The following CACNA2D3 variants were observed in gnomAD, a reference collection of about 807,000 sequenced individuals.
CACNA2D3 encodes the protein calcium voltage-gated channel auxiliary subunit alpha2delta 3, also known as voltage-dependent calcium channel subunit alpha-2/delta-3.
In CACNA2D3, 60 loss-of-function variants were observed where a neutral mutation model predicts 160.6. That is an observed-to-expected ratio of 0.37 (90% confidence interval 0.30 to 0.46). The LOEUF (loss-of-function observed/expected upper bound fraction) is 0.46, where lower values mean the gene tolerates loss of function less well. CACNA2D3 is among the 20% of genes least tolerant of loss of function. The pLI, the probability that CACNA2D3 is intolerant of heterozygous loss-of-function variation, is 1.00. For synonymous variants in CACNA2D3, 558 were observed against 492.9 expected (o/e 1.13, Z -1.75); for missense variants, 1,205 against 1,365.0 (o/e 0.88, Z 1.85).
chr3:54,973,437 C>T (rs1425328238), intron 29 of CACNA2D3, among the ~76,000 whole-genome samples: 8 of 152,236 alleles, frequency 5.3e-5, no homozygotes, highest in Admixed American at 2.0e-4. Flanking sequence ...AGAGGTGTGA[C>T]GGCAGCGAGA....
intron 27 of CACNA2D3, among the ~76,000 whole-genome samples, chr3:54,928,927 C>G (rs902145042): frequency 2.0e-5 from 3 of 152,148 alleles, no homozygotes; most frequent in Non-Finnish European, 4.4e-5. Context: ...GGACTGGAAC[C>G]GTTTCTTTGA....
At chr3:54,632,068 A>T (rs945646885) in intron 10 of CACNA2D3, 2 of 152,214 alleles carry the variant, frequency 1.3e-5, no homozygotes, top group African/African-American at 4.8e-5. Context: ...AAACACTTTC[A>T]TCACTCTCGC....
intron 13 of CACNA2D3, among the ~76,000 whole-genome samples, chr3:54,781,774 G>A (rs760100869): frequency 6.6e-6 from 1 of 152,238 alleles, no homozygotes; most frequent in African/African-American, 2.4e-5. Flanking sequence ...AAAGCCAACT[G>A]TTTTAAAGCT....
chr3:54,756,642 C>G (rs535257414), intron 12 of CACNA2D3, among the ~76,000 whole-genome samples: 10 of 152,264 alleles, frequency 6.6e-5, no homozygotes, highest in African/African-American at 2.4e-4. Flanking sequence ...CGCACTGGGC[C>G]TGACCACAGA....
chr3:54,488,271 G>C (rs1212875586), intron 4 of CACNA2D3, among the ~76,000 whole-genome samples: 1 of 152,122 alleles, frequency 6.6e-6, no homozygotes, highest in Admixed American at 6.5e-5. Flanking sequence ...TGGCTGCTAC[G>C]GGGCAGAGGG....
chr3:54,420,012 C>T (rs746174377), intron 4 of CACNA2D3, among the ~76,000 whole-genome samples: 1 of 152,130 alleles, frequency 6.6e-6, no homozygotes, highest in African/African-American at 2.4e-5. Context: ...GTGATCCACC[C>T]GCCAAGGCTT....
At chr3:54,205,313 G>A (rs1210354648) in intron 2 of CACNA2D3, among the ~76,000 whole-genome samples, 5 of 152,026 alleles carry the variant, frequency 3.3e-5, no homozygotes, top group South Asian at 4.1e-4. Context: ...GGCTGGTCTC[G>A]AACTCCTGAC....
At chr3:54,172,166 C>T (rs1700586095) in intron 2 of CACNA2D3, among the ~76,000 whole-genome samples, 1 of 152,216 alleles carries the variant, frequency 6.6e-6, no homozygotes, top group Admixed American at 6.5e-5. Flanking sequence ...CTCCACTCTC[C>T]CCTTCCACAC....
intron 13 of CACNA2D3, among the ~76,000 whole-genome samples, chr3:54,764,714 G>T (rs930460379): frequency 6.6e-6 from 1 of 152,156 alleles, no homozygotes; most frequent in African/African-American, 2.4e-5. Context: ...TCCTGGCAAT[G>T]AATCTTTGTG....
At chr3:55,058,293 G>C (rs1704415768) in intron 35 of CACNA2D3, among the ~76,000 whole-genome samples, 1 of 152,218 alleles carries the variant, frequency 6.6e-6, no homozygotes, top group South Asian at 2.1e-4. Context: ...AGAAAGCTTA[G>C]ATAGAGTCAA....
In CACNA2D3 at chr3:54,752,578, A is replaced by G. The variant is rs1339332527; in HGVS notation, c.1168-21A>G. The G allele has an allele frequency of 2.5e-6, 4 of 1,596,752 alleles. No homozygotes were observed. The Admixed American group carries it at 5.0e-5, about 20-fold the overall frequency. On this transcript the variant is annotated intron_variant, in intron 11 of 37. Coordinates refer to ENST00000474759, the MANE Select transcript of CACNA2D3 (RefSeq NM_018398.3). ...GGCGAAAAGTGAATGCCGCTCAGCC[A>G]TGCGTTTGTCTTCCCTTCAGGTTCG...
At chr3:54,220,039 C>T (rs1361754458) in intron 2 of CACNA2D3, among the ~76,000 whole-genome samples, 1 of 152,124 alleles carries the variant, frequency 6.6e-6, no homozygotes, top group Non-Finnish European at 1.5e-5. Context: ...ATTGTGTTTG[C>T]TCTTCTGTTT....
At chr3:54,164,744 A>C (rs569742148) in intron 2 of CACNA2D3, among the ~76,000 whole-genome samples, 1 of 152,124 alleles carries the variant, frequency 6.6e-6, no homozygotes, top group African/African-American at 2.4e-5. Flanking sequence ...CCCTCTGCCC[A>C]CTTCTGCCTG....
intron 2 of CACNA2D3, among the ~76,000 whole-genome samples, chr3:54,304,364 C>T (rs549309441): frequency 1.3e-5 from 2 of 152,104 alleles, no homozygotes; most frequent in Non-Finnish European, 2.9e-5. Context: ...CCTTGCAAGT[C>T]CCTGTTTGTA....
At chr3:54,500,519 TCCTTCCTTC>T (rs1472997705) in intron 4 of CACNA2D3, among the ~76,000 whole-genome samples, 4 of 57,886 alleles carry the variant, frequency 6.9e-5, no homozygotes, top group Non-Finnish European at 1.4e-4. Context: ...CTTCCTTCCT[TCCTTCCTTC>T]CTTCCTTCCT....
intron 27 of CACNA2D3, among the ~76,000 whole-genome samples, chr3:54,928,619 C>T (rs919325274): frequency 6.6e-6 from 1 of 152,150 alleles, no homozygotes; most frequent in East Asian, 1.9e-4. Context: ...CCATGGTTTC[C>T]TTTAGTGGAC....
At position 54,368,167 on chromosome 3, in the gene CACNA2D3, A is replaced by T. The variant is rs370232644; in HGVS notation, c.322-18548A>T. 5.3e-5 allele frequency among the ~76,000 whole-genome samples: 8 copies of T among 152,264 alleles called. No homozygotes were observed. The East Asian group carries it at 7.7e-4, about 15-fold the overall frequency. On this transcript the variant is annotated intron_variant, in intron 3 of 37. Coordinates refer to ENST00000474759, the MANE Select transcript of CACNA2D3 (RefSeq NM_018398.3). ...GTTATTATTTTAATGCTTATTTAAAACCACATCTGAGTTACCTGTAACATT... is the reference window on the plus strand; with the variant it reads ...GTTATTATTTTAATGCTTATTTAAATCCACATCTGAGTTACCTGTAACATT...
intron 2 of CACNA2D3, among the ~76,000 whole-genome samples, chr3:54,238,289 T>G (rs867101188): frequency 2.0e-5 from 3 of 152,224 alleles, no homozygotes; most frequent in Non-Finnish European, 4.4e-5. Context: ...ATCTTTTATG[T>G]TGGCATTGAG....
At chr3:54,258,098 C>T (rs193267174) in intron 2 of CACNA2D3, among the ~76,000 whole-genome samples, 53 of 152,338 alleles carry the variant, frequency 3.5e-4, no homozygotes, top group Admixed American at 1.2e-3. Context: ...GTAACCTTCA[C>T]GGCCTCAGGG....
Sources: gnomAD v4.1 joint callset for allele counts (sites outside exome capture counted in the v4.1 genomes callset) on GRCh38, gnomAD v4.1.1 for gene constraint, MANE v1.5 for transcripts, NCBI Gene and HGNC (gene_info 2026-07-23, HGNC 2026-07-21) for gene names.